Variants in ARHGEF26 observed in about 807,000 individuals in gnomAD.
ARHGEF26 encodes Rho guanine nucleotide exchange factor (GEF) 26.
A neutral mutation model predicts 89.4 loss-of-function variants in ARHGEF26; 59 were observed. The ratio of observed to expected loss-of-function variants is 0.66; its 90% CI spans 0.54 to 0.82. The LOEUF (loss-of-function observed/expected upper bound fraction) is 0.82, where lower values mean the gene tolerates loss of function less well. Ranked by LOEUF, ARHGEF26 falls within the 40% of genes least tolerant of loss-of-function variation. The pLI is 0.00. For synonymous variants in ARHGEF26, 500 were observed against 428.4 expected (o/e 1.17, Z -2.06); for missense variants, 1,234 against 1,085.6 (o/e 1.14, Z -1.92).
At chr3:154,133,207 G>A (rs1055999327) in intron 4 of ARHGEF26, among the ~76,000 whole-genome samples, 1 of 152,028 alleles carries the variant, frequency 6.6e-6, no homozygotes, top group Non-Finnish European at 1.5e-5. Context: ...AATTTGTCTG[G>A]GCGTGTTTAT....
At chr3:154,187,633 T>A (rs1235049308) in intron 6 of ARHGEF26, 52 bp from the exon 7 acceptor site, 4 of 1,482,626 alleles carry the variant, frequency 2.7e-6, no homozygotes, top group Non-Finnish European at 3.7e-6. Flanking sequence ...ATCTGTTATC[T>A]GTTAGAGTGT....
At chr3:154,185,176 T>C (rs1713445987) in intron 6 of ARHGEF26, among the ~76,000 whole-genome samples, 1 of 152,170 alleles carries the variant, frequency 6.6e-6, no homozygotes, top group South Asian at 2.1e-4. Flanking sequence ...TTTTTTTTTA[T>C]ACCAACCGAC....
chr3:154,154,851 T>C (rs1252908002), intron 6 of ARHGEF26, among the ~76,000 whole-genome samples: 1 of 152,036 alleles, frequency 6.6e-6, no homozygotes, highest in East Asian at 1.9e-4. Context: ...TTAGGATTAT[T>C]TTCAGTCTCA....
intron 4 of ARHGEF26, among the ~76,000 whole-genome samples, chr3:154,130,445 CTTGGAAATTTAATTTGATATAGAA>C (rs1718618932): frequency 6.6e-6 from 1 of 152,082 alleles, no homozygotes; most frequent in Non-Finnish European, 1.5e-5. Context: ...CTAGCCCTTC[CTTGGAAATTTAATTTGATATAGAA>C]ATGTTTATAT....
At chr3:154,146,940 A>G (rs774676386) in intron 4 of ARHGEF26, among the ~76,000 whole-genome samples, 5 of 152,230 alleles carry the variant, frequency 3.3e-5, no homozygotes, top group African/African-American at 4.8e-5. Flanking sequence ...GTTAAAAACT[A>G]CTTTTGCAAT....
intron 6 of ARHGEF26, among the ~76,000 whole-genome samples, chr3:154,155,447 C>T (rs1013532430): frequency 4.0e-5 from 6 of 151,780 alleles, no homozygotes; most frequent in African/African-American, 1.4e-4. Flanking sequence ...AGAGGGAAAA[C>T]GTATTAGCAT....
At chr3:154,196,886 G>GA (rs199937762) in intron 9 of ARHGEF26, among the ~76,000 whole-genome samples, 6,600 of 138,490 alleles carry the variant, frequency 0.048, 160 homozygotes, top group East Asian at 0.13. Context: ...CTAAGAAATT[G>GA]AAAAAAAAAA....
chr3:154,246,265 C>T (rs1717797195), intron 12 of ARHGEF26, among the ~76,000 whole-genome samples: 1 of 152,128 alleles, frequency 6.6e-6, no homozygotes, highest in Admixed American at 6.5e-5. Flanking sequence ...ACAGCAGGTG[C>T]AAAACCTCTA....
intron 6 of ARHGEF26, among the ~76,000 whole-genome samples, chr3:154,185,166 T>C (rs1713445655): frequency 6.6e-6 from 1 of 151,408 alleles, no homozygotes; most frequent in South Asian, 2.1e-4. Flanking sequence ...ATGTGTGAAT[T>C]TTTTTTTTAT....
At chr3:154,216,484 T>TTTA (rs1715735208) in intron 9 of ARHGEF26, among the ~76,000 whole-genome samples, 2 of 37,812 alleles carry the variant, frequency 5.3e-5, no homozygotes, top group African/African-American at 2.9e-4. Context: ...ACTTGTTTTT[T>TTTA]TTTTTTTATT....
intron 6 of ARHGEF26, among the ~76,000 whole-genome samples, chr3:154,172,077 T>C: frequency 6.6e-6 from 1 of 152,174 alleles, no homozygotes; most frequent in East Asian, 1.9e-4. Context: ...GCCATGTCAA[T>C]GAGATACAGA....
At chr3:154,218,544 G>A (rs912693980) in intron 10 of ARHGEF26, among the ~76,000 whole-genome samples, 12 of 152,192 alleles carry the variant, frequency 7.9e-5, no homozygotes, top group Non-Finnish European at 1.8e-4. Flanking sequence ...CCATTCTTTT[G>A]TTGGCTCATG....
At position 154,124,453 on chromosome 3, in the gene ARHGEF26, AGCATTT is replaced by A. The variant is rs1718202280; in HGVS notation, c.1123+5_1123+10del. 1 of 1,541,576 alleles carries A rather than the reference AGCATTT, an allele frequency of 6.5e-7. No homozygotes were observed. Among genetic ancestry groups the A allele is most frequent in the Non-Finnish European group, 8.7e-7 (1 of 1,151,712 alleles). The stretch of plus-strand genomic sequence containing the variant: ...CAAGGAACATTTGATGGGGAAGGTA[AGCATTT>A]AATTTTCCAAACTTTCATTGCTGTT... On this transcript the variant is annotated splice_donor_5th_base_variant and intron_variant, in intron 3 of 14. Transcript: ENST00000465093.
At chr3:154,178,700 G>A (rs1712985205) in intron 6 of ARHGEF26, among the ~76,000 whole-genome samples, 1 of 152,142 alleles carries the variant, frequency 6.6e-6, no homozygotes, top group Admixed American at 6.5e-5. Context: ...TTGTGTTGAA[G>A]TTTTTGTGCT....
chr3:154,233,395 G>T lies in ARHGEF26; in HGVS notation c.2091-6975G>T, dbSNP rs114377644. Among the ~76,000 whole-genome samples the T allele has an allele frequency of 4.0e-3, 614 of 152,196 alleles. 2 individuals carry two copies. Among genetic ancestry groups the T allele is most frequent in the African/African-American group, 0.014 (578 of 41,508 alleles). On this transcript the variant is annotated intron_variant, in intron 11 of 14. Transcript: ENST00000465093. ...GTGTTTCTGTTCCATTTAAACACACGATCAAGTGCGACGGTTTAGGAATCA... is the reference window on the plus strand; with the variant it reads ...GTGTTTCTGTTCCATTTAAACACACTATCAAGTGCGACGGTTTAGGAATCA...
rs566410859 is a variant in ARHGEF26 at position 154,187,318 on chromosome 3, C to A, written c.1488-367C>A. The A allele has an allele frequency of 1.0e-4, 66 of 641,160 alleles. No individual in the cohort carries two copies. The African/African-American group carries it at 1.2e-3, about 11-fold the overall frequency. The allele number at this position is 641,160 out of a possible 1,614,324, so 39.7% of individuals were successfully genotyped here. On this transcript the variant is annotated intron_variant, in intron 6 of 14. Coordinates refer to ENST00000465093, the MANE Select transcript of ARHGEF26 (RefSeq NM_015595.4). ...TGAAAAATAATGAAATATGTTTAGT[C>A]TAAAGTACCTGAAGGCAGAGCAGAT...
chr3:154,205,675 A>C (rs1714974102), intron 9 of ARHGEF26, among the ~76,000 whole-genome samples: 1 of 152,006 alleles, frequency 6.6e-6, no homozygotes, highest in African/African-American at 2.4e-5. Context: ...TAAGGTTATC[A>C]TGAGGCTTGC....
intron 4 of ARHGEF26, among the ~76,000 whole-genome samples, chr3:154,140,378 G>T (rs1464140412): frequency 6.6e-6 from 1 of 152,142 alleles, no homozygotes; most frequent in East Asian, 1.9e-4. Context: ...GAGATTACTT[G>T]GAACAGCCTC....
intron 6 of ARHGEF26, among the ~76,000 whole-genome samples, chr3:154,160,864 C>A (rs1397067148): frequency 6.6e-6 from 1 of 152,042 alleles, no homozygotes; most frequent in East Asian, 1.9e-4. Flanking sequence ...ACTAAAACTG[C>A]AAGTTTCATG....
Sources: allele counts gnomAD v4.1 joint callset (sites outside exome capture counted in the v4.1 genomes callset), GRCh38; gene constraint gnomAD v4.1.1; transcripts MANE v1.5; gene names NCBI Gene and HGNC (gene_info 2026-07-23, HGNC 2026-07-21).